The following ANKRD11 variants were observed in gnomAD, a reference collection of about 807,000 sequenced individuals.
ANKRD11 encodes ankyrin repeat domain 11.
ANKRD11 carries 17 observed loss-of-function variants against 195.7 expected under a neutral mutation model. That is an observed-to-expected ratio of 0.09 (90% CI 0.06 to 0.13). ANKRD11 has a LOEUF of 0.13. Among genes scored for constraint, ANKRD11 ranks in the 10% least tolerant of loss-of-function variants. The pLI is 1.00. For synonymous variants in ANKRD11, 1,953 were observed against 1,528.1 expected (o/e 1.28, Z -6.49); for missense variants, 3,735 against 3,566.1 (o/e 1.05, Z -1.21).
At chr16:89,337,513 T>C (rs1302135187) in intron 2 of ANKRD11, among the ~76,000 whole-genome samples, 1 of 128,586 alleles carries the variant, frequency 7.8e-6, no homozygotes, top group Non-Finnish European at 1.6e-5. Flanking sequence ...CTCAGCTCAC[T>C]ACAAGCTCCG....
chr16:89,310,829 G>A (rs185717320), intron 3 of ANKRD11, among the ~76,000 whole-genome samples: 2 of 152,356 alleles, frequency 1.3e-5, no homozygotes, highest in South Asian at 4.1e-4. Flanking sequence ...CTTTTGTGCA[G>A]ATGTCTTGGG....
chr16:89,424,874 ATCTC>A (rs1021319514), intron 1 of ANKRD11, among the ~76,000 whole-genome samples: 1 of 151,966 alleles, frequency 6.6e-6, no homozygotes, highest in Non-Finnish European at 1.5e-5. Context: ...AAATCAATCA[ATCTC>A]TCTCTCTAAC....
intron 4 of ANKRD11, among the ~76,000 whole-genome samples, chr16:89,301,791 C>G (rs532382188): frequency 2.6e-5 from 4 of 152,314 alleles, no homozygotes; most frequent in South Asian, 4.1e-4. Flanking sequence ...TGGCAGGCGG[C>G]CCCCAGCCCT....
chr16:89,471,782 C>CAAAAAA (rs56391654), intron 1 of ANKRD11, among the ~76,000 whole-genome samples: 2 of 53,492 alleles, frequency 3.7e-5, no homozygotes, highest in African/African-American at 8.0e-5. Context: ...GACTCTGTCT[C>CAAAAAA]AAAAAAAAAA....
chr16:89,345,051 G>A (rs2038873325), intron 2 of ANKRD11, among the ~76,000 whole-genome samples: 2 of 152,136 alleles, frequency 1.3e-5, no homozygotes, highest in Admixed American at 1.3e-4. Flanking sequence ...CTCCAGGGAA[G>A]CCCAGCTCGG....
intron 2 of ANKRD11, among the ~76,000 whole-genome samples, chr16:89,416,529 C>A (rs2042317596): frequency 1.3e-5 from 2 of 152,282 alleles, no homozygotes; most frequent in South Asian, 4.1e-4. Context: ...AACTCCTGGC[C>A]TCAAGTGATC....
chr16:89,285,367 G>A lies in ANKRD11; in HGVS notation c.1175C>T (p.Thr392Ile). The A allele has an allele frequency of 1.9e-6, 3 of 1,614,066 alleles. No homozygotes were observed. Among genetic ancestry groups the A allele is most frequent in the Non-Finnish European group, 2.5e-6 (3 of 1,180,044 alleles). The part of the protein sequence containing the change: ...SIPKMEVKSY[T>I]KNNTIAPKKA... ...CTTTGGTGCAATCGTGTTATTTTTA[G>A]TGTAACTTTTAACCTCCATTTTGGG... The change falls in exon 9 of 13, where the codon ACT becomes ATT. Residue 392 changes from threonine to isoleucine, a missense_variant. Transcript: ENST00000301030. The surrounding 1 kb of genome is among the most constrained non-coding windows in gnomAD (Gnocchi z 5.6).
chr16:89,296,953 G>C (rs762164984), intron 4 of ANKRD11, among the ~76,000 whole-genome samples: 14 of 152,164 alleles, frequency 9.2e-5, no homozygotes, highest in Non-Finnish European at 1.3e-4. Context: ...CTCTTAGCTG[G>C]GGGGACAGTG....
At chr16:89,415,414 GC>G (rs1364194266) in intron 2 of ANKRD11, among the ~76,000 whole-genome samples, 2 of 150,932 alleles carry the variant, frequency 1.3e-5, no homozygotes, top group Non-Finnish European at 2.9e-5. Flanking sequence ...ACAGGCGCCT[GC>G]CACCATGCCC....
At chr16:89,461,593 G>A (rs777978213) in intron 1 of ANKRD11, among the ~76,000 whole-genome samples, 5 of 151,910 alleles carry the variant, frequency 3.3e-5, no homozygotes, top group African/African-American at 4.8e-5. Context: ...TGCTTCCCTC[G>A]GCCTCCGAAA....
At chr16:89,368,192 T>C (rs1422421385) in intron 2 of ANKRD11, among the ~76,000 whole-genome samples, 1 of 151,620 alleles carries the variant, frequency 6.6e-6, no homozygotes, top group Non-Finnish European at 1.5e-5. Flanking sequence ...ACTCTTAACA[T>C]GTTTTCGAGC....
Position 89,388,293 on chromosome 16 carries a change from A to ATTTTTTTTTTTTTTTTT in ANKRD11, c.-60+29974_-60+29990dup, listed in dbSNP as rs71134215. Among the ~76,000 whole-genome samples the ATTTTTTTTTTTTTTTTT allele has an allele frequency of 9.4e-5, 8 of 85,298 alleles. 1 individual carries two copies. Among genetic ancestry groups the ATTTTTTTTTTTTTTTTT allele is most frequent in the African/African-American group, 1.3e-4 (3 of 23,360 alleles). The allele number at this position is 85,298 out of a possible 152,430, so 56.0% of individuals were successfully genotyped here. A position where few individuals can be genotyped will look rare whatever the true frequency, so the allele number is the denominator to read the frequency against. ...GTGCTCTCTTCTCTCCATGAGGCTG[A>ATTTTTTTTTTTTTTTTT]TTTTTTTTTTTTTTTTTTTTTTGAG... is the stretch of plus-strand genomic sequence containing the variant. On this transcript the variant is annotated intron_variant, in intron 2 of 12. Coordinates refer to ENST00000301030, the MANE Select transcript of ANKRD11 (RefSeq NM_013275.6).
chr16:89,485,529 A>G (rs1443259633), intron 1 of ANKRD11, among the ~76,000 whole-genome samples: 1 of 152,130 alleles, frequency 6.6e-6, no homozygotes, highest in Non-Finnish European at 1.5e-5. Flanking sequence ...GAGCTAGAAT[A>G]GTATCTGAAT....
intron 2 of ANKRD11, among the ~76,000 whole-genome samples, chr16:89,411,293 C>G (rs1487948829): frequency 6.7e-6 from 1 of 148,260 alleles, no homozygotes; most frequent in Non-Finnish European, 1.5e-5. Context: ...CCTGTGCCAG[C>G]AGCCAGCACT....
chr16:89,381,418 A>G (rs909883480), intron 2 of ANKRD11, among the ~76,000 whole-genome samples: 4 of 151,842 alleles, frequency 2.6e-5, no homozygotes, highest in African/African-American at 7.3e-5. Flanking sequence ...ACTCCCAGAC[A>G]CCAACACCTA....
intron 1 of ANKRD11, among the ~76,000 whole-genome samples, chr16:89,435,140 T>C (rs1030467492): frequency 1.3e-5 from 2 of 152,196 alleles, no homozygotes; most frequent in African/African-American, 4.8e-5. Flanking sequence ...ATCAGCGCTG[T>C]CTAGCTAAAG....
intron 2 of ANKRD11, among the ~76,000 whole-genome samples, chr16:89,357,959 A>T (rs1567696008): frequency 1.3e-5 from 2 of 152,336 alleles, no homozygotes; most frequent in South Asian, 2.1e-4. Context: ...AAACAATCAG[A>T]TTTAGTTATG....
chr16:89,302,725 G>A (rs2035934313), intron 4 of ANKRD11, among the ~76,000 whole-genome samples: 1 of 152,158 alleles, frequency 6.6e-6, no homozygotes, highest in Admixed American at 6.5e-5. Flanking sequence ...CAAATACTAC[G>A]TTTCTTAGGT....
chr16:89,334,169 A>AAAAAAAAAAAAAAAAAAAC (rs2038221625), intron 2 of ANKRD11, among the ~76,000 whole-genome samples: 1 of 107,292 alleles, frequency 9.3e-6, no homozygotes, highest in African/African-American at 3.5e-5. Context: ...AAAAAAAAAA[A>AAAAAAAAAAAAAAAAAAAC]AAAACAGAGA....
Sources: allele counts gnomAD v4.1 joint callset (sites outside exome capture counted in the v4.1 genomes callset), GRCh38; gene constraint gnomAD v4.1.1; non-coding constraint Gnocchi (gnomAD v3.1); transcripts MANE v1.5; gene names NCBI Gene and HGNC (gene_info 2026-07-23, HGNC 2026-07-21).